Variants in PKHD1 observed in about 807,000 individuals in gnomAD.
The protein encoded by PKHD1 is fibrocystin.
Under a neutral mutation model 412.0 loss-of-function variants are expected in PKHD1, and 291 were observed. The observed-to-expected ratio is 0.71, with a 90% CI of 0.64 to 0.78. PKHD1 has a LOEUF of 0.78. Among genes scored for constraint, PKHD1 ranks in the 30% least tolerant of loss-of-function variants. The pLI, the probability that PKHD1 is intolerant of heterozygous loss-of-function variation, is 0.00. For missense variants in PKHD1, 4,825 were observed against 4,950.7 expected (o/e 0.97, Z 0.76); for synonymous variants, 1,777 against 1,821.5 (o/e 0.98, Z 0.62).
intron 37 of PKHD1, among the ~76,000 whole-genome samples, chr6:51,923,243 A>G (rs758233473): frequency 1.3e-5 from 2 of 152,244 alleles, no homozygotes; most frequent in Non-Finnish European, 2.9e-5. Flanking sequence ...ATCAGAATCA[A>G]TTCTAGACTG....
At chr6:52,069,637 G>T in intron 10 of PKHD1, 110 bp from the exon 11 acceptor site, 1 of 820,264 alleles carries the variant, frequency 1.2e-6, no homozygotes, top group South Asian at 1.3e-5. Context: ...TTGATCTTTA[G>T]AACAGTTGAA....
rs751213081 is a variant in PKHD1, at chr6:52,033,099, C to T, written c.3295G>A (p.Ala1099Thr). ...TTTAAGGAAGAGACATATGTAAATG[C>T]TCTGGGAAGAACTGCAGAATAGTCC... ...RGDYSAVLPR[A>T]FTYVSSLNPV... The change falls in exon 29 of 67, where the codon GCA becomes ACA. Residue 1099 changes from alanine to threonine, a missense_variant. By Grantham distance (58) the Ala-to-Thr change is moderately conservative. Coordinates refer to ENST00000371117, the MANE Select transcript of PKHD1 (RefSeq NM_138694.4). The T allele has an allele frequency of 1.2e-6, 2 of 1,610,958 alleles. No individual in the cohort carries two copies. Among genetic ancestry groups the T allele is most frequent in the Non-Finnish European group, 1.7e-6 (2 of 1,177,182 alleles).
At chr6:51,627,658 G>A (rs1767428174) in intron 65 of PKHD1, among the ~76,000 whole-genome samples, 1 of 151,990 alleles carries the variant, frequency 6.6e-6, no homozygotes, top group Admixed American at 6.6e-5. Context: ...ATACAGGGAG[G>A]ATTCAAGCAT....
intron 52 of PKHD1, among the ~76,000 whole-genome samples, chr6:51,795,738 T>C (rs1434051797): frequency 1.3e-5 from 2 of 152,214 alleles, no homozygotes; most frequent in Non-Finnish European, 2.9e-5. Context: ...TGAATGTATG[T>C]TGAATTTATC....
chr6:51,798,923 A>G (rs61185340), intron 52 of PKHD1, among the ~76,000 whole-genome samples: 3,957 of 152,250 alleles, frequency 0.026, 179 homozygotes, highest in African/African-American at 0.09. Context: ...GTGCTTTTAG[A>G]TGTATTTCTC....
chr6:51,811,984 A>G (rs926267726), intron 52 of PKHD1, among the ~76,000 whole-genome samples: 55 of 152,328 alleles, frequency 3.6e-4, no homozygotes, highest in African/African-American at 1.3e-3. Flanking sequence ...CTAATTGTAA[A>G]GATGTCAGAT....
At chr6:51,985,493 C>G (rs1250310097) in intron 35 of PKHD1, among the ~76,000 whole-genome samples, 2 of 152,172 alleles carry the variant, frequency 1.3e-5, no homozygotes, top group African/African-American at 4.8e-5. Flanking sequence ...CTTTAGAAGG[C>G]TGAGGCGGGC....
chr6:51,897,778 G>A (rs1334131719), intron 43 of PKHD1, among the ~76,000 whole-genome samples: 1 of 143,354 alleles, frequency 7.0e-6, no homozygotes, highest in African/African-American at 2.7e-5. Flanking sequence ...CATCTCATGT[G>A]CAGAGACACA....
At chr6:51,889,521 C>T (rs890960931) in intron 43 of PKHD1, among the ~76,000 whole-genome samples, 5 of 152,044 alleles carry the variant, frequency 3.3e-5, no homozygotes, top group African/African-American at 1.2e-4. Context: ...ATAAGTGTGT[C>T]GCAAACACTA....
intron 60 of PKHD1, among the ~76,000 whole-genome samples, chr6:51,694,311 C>CA (rs902610385): frequency 5.3e-5 from 8 of 151,772 alleles, no homozygotes; most frequent in African/African-American, 1.7e-4. Context: ...ACCACACCAG[C>CA]AAAAAAATGA....
chr6:51,775,373 A>G (rs1283645101), intron 54 of PKHD1, among the ~76,000 whole-genome samples: 1 of 151,934 alleles, frequency 6.6e-6, no homozygotes, highest in African/African-American at 2.4e-5. Context: ...ACTTTTACAT[A>G]GACCAATTTA....
Position 52,048,609 on chromosome 6 carries a change from TG to T in PKHD1, c.2289del (p.Thr764LeufsTer13). ...CCAGATCCCTCTTCTGTTCCTTCAG[TG>T]GGCACAGAGCTGTGGCACGTCAGAA... is the stretch of plus-strand genomic sequence containing the variant. ...ELPLITARSVPTEGTEEGSGL... is the reference protein window; with the variant it reads ...ELPLITARSVXTEGTEEGSGL... On this transcript the variant is annotated frameshift_variant, in exon 23 of 67. Coordinates refer to ENST00000371117, the MANE Select transcript of PKHD1 (RefSeq NM_138694.4). LOFTEE classifies it high-confidence loss of function. 1 of 1,614,108 alleles carries T rather than the reference TG, an allele frequency of 6.2e-7. No individual in the cohort carries two copies. Among genetic ancestry groups the T allele is most frequent in the Non-Finnish European group, 8.5e-7 (1 of 1,179,964 alleles).
At chr6:51,896,992 T>G (rs1304532319) in intron 43 of PKHD1, among the ~76,000 whole-genome samples, 6 of 151,534 alleles carry the variant, frequency 4.0e-5, no homozygotes, top group Admixed American at 6.6e-5. Flanking sequence ...GAGCAAAGCC[T>G]CCAAGAAATA....
chr6:51,659,637 C>T lies in PKHD1; in HGVS notation c.10489G>A (p.Ala3497Thr). The change falls in exon 61 of 67, where the codon GCT becomes ACT. Residue 3497 changes from alanine to threonine, a missense_variant. By Grantham distance (58) the Ala-to-Thr change is moderately conservative. Transcript: ENST00000371117. ...GNKSTSKLLLAVFYHELQSPH... is the reference protein window; with the variant it reads ...GNKSTSKLLLTVFYHELQSPH... Reference sequence around the variant, plus strand: ...CTCTGGAGCTCATGGTAGAATACAGCCAAGAGAAGCTTGGAGGTACTTTTG... The same window carrying T: ...CTCTGGAGCTCATGGTAGAATACAGTCAAGAGAAGCTTGGAGGTACTTTTG... 5 of 1,613,678 alleles carry T rather than the reference C, an allele frequency of 3.1e-6. No individual in the cohort carries two copies. Among genetic ancestry groups the T allele is most frequent in the Non-Finnish European group, 4.2e-6 (5 of 1,179,824 alleles).
chr6:51,826,732 C>G (rs1387647928), intron 52 of PKHD1, among the ~76,000 whole-genome samples: 2 of 152,090 alleles, frequency 1.3e-5, no homozygotes, highest in Admixed American at 1.3e-4. Context: ...TCAGCTTACT[C>G]CATATAATAC....
intron 60 of PKHD1, among the ~76,000 whole-genome samples, chr6:51,701,798 T>C (rs1779430071): frequency 6.6e-6 from 1 of 151,958 alleles, no homozygotes; most frequent in Admixed American, 6.6e-5. Flanking sequence ...TATTTTATAG[T>C]GCAGAAGTCA....
intron 52 of PKHD1, among the ~76,000 whole-genome samples, chr6:51,804,367 G>C (rs1451825945): frequency 9.8e-6 from 1 of 102,090 alleles, no homozygotes; most frequent in East Asian, 4.7e-4. Context: ...ATTGGGGGGG[G>C]GGGGGGCGGT....
At chr6:51,653,371 C>T (rs1403360862) in intron 61 of PKHD1, among the ~76,000 whole-genome samples, 1 of 152,110 alleles carries the variant, frequency 6.6e-6, no homozygotes, top group African/African-American at 2.4e-5. Flanking sequence ...TTTTCTGGCA[C>T]TGTGGTCTAG....
intron 66 of PKHD1, 75 bp from the exon 67 acceptor site, chr6:51,619,595 A>T (rs1766360032): frequency 8.5e-7 from 1 of 1,182,370 alleles, no homozygotes; most frequent in Non-Finnish European, 1.3e-6. Context: ...CATACTTAGC[A>T]TTTCTGACAA....
Sources: gnomAD v4.1 joint callset for allele counts (sites outside exome capture counted in the v4.1 genomes callset) on GRCh38, gnomAD v4.1.1 for gene constraint, MANE v1.5 for transcripts, NCBI Gene and HGNC (gene_info 2026-07-23, HGNC 2026-07-21) for gene names.